RAMP1: variants seen among roughly 807,000 people sequenced by gnomAD.
RAMP1 encodes receptor activity modifying protein 1, also known as receptor activity-modifying protein 1.
RAMP1 carries 7 observed loss-of-function variants against 8.2 expected under a neutral mutation model. The observed-to-expected ratio is 0.85, with a 90% confidence interval of 0.49 to 1.60. RAMP1 has a LOEUF of 1.60. Ranked by LOEUF, RAMP1 falls within the 40% of genes most tolerant of loss-of-function variation. The pLI is 0.00. For synonymous variants in RAMP1, 92 were observed against 84.7 expected, an observed-to-expected ratio of 1.09 and a Z score of -0.47; for missense variants, 192 against 202.4, an observed-to-expected ratio of 0.95 and a Z score of 0.31.
intron 2 of RAMP1, among the ~76,000 whole-genome samples, chr2:237,910,411 T>C (rs942611912): frequency 2.1e-5 from 3 of 140,808 alleles, no homozygotes; most frequent in African/African-American, 8.1e-5. Flanking sequence ...TAACACAGTG[T>C]TGCACAGTCA....
At chr2:237,875,599 C>T (rs2062294813) in intron 1 of RAMP1, among the ~76,000 whole-genome samples, 1 of 152,178 alleles carries the variant, frequency 6.6e-6, no homozygotes, top group Admixed American at 6.5e-5. Flanking sequence ...CCATGCAGGC[C>T]CGACTGCACC....
At chr2:237,901,616 G>A (rs1398064323) in intron 2 of RAMP1, among the ~76,000 whole-genome samples, 1 of 152,200 alleles carries the variant, frequency 6.6e-6, no homozygotes, top group Admixed American at 6.5e-5. Context: ...ACCCAGTTGA[G>A]TGACCCACAC....
At chr2:237,863,831 C>T (rs1368482208) in intron 1 of RAMP1, among the ~76,000 whole-genome samples, 1 of 152,060 alleles carries the variant, frequency 6.6e-6, no homozygotes, top group Admixed American at 6.5e-5. Flanking sequence ...TGTGCAGTCA[C>T]ATGGTGGATT....
chr2:237,860,922 A>G (rs1158973485), intron 1 of RAMP1, among the ~76,000 whole-genome samples: 1 of 152,208 alleles, frequency 6.6e-6, no homozygotes, highest in Non-Finnish European at 1.5e-5. Flanking sequence ...CCGATATAAT[A>G]TAATCTGAAA....
chr2:237,904,311 C>T (rs1033371340), intron 2 of RAMP1, among the ~76,000 whole-genome samples: 4 of 151,652 alleles, frequency 2.6e-5, no homozygotes, highest in Non-Finnish European at 4.4e-5. Context: ...CCCAGCTACT[C>T]GGGAGGCTGA....
chr2:237,906,347 T>G (rs1021676067), intron 2 of RAMP1, among the ~76,000 whole-genome samples: 19 of 152,150 alleles, frequency 1.2e-4, no homozygotes, highest in African/African-American at 4.6e-4. Flanking sequence ...CCCTGCACAC[T>G]CAGGGCAGTG....
At chr2:237,891,671 C>T (rs1330518001) in intron 2 of RAMP1, among the ~76,000 whole-genome samples, 1 of 152,092 alleles carries the variant, frequency 6.6e-6, no homozygotes, top group African/African-American at 2.4e-5. Flanking sequence ...TGTGAACATA[C>T]AATGAATACT....
chr2:237,881,955 CT>C (rs941690175), intron 2 of RAMP1, among the ~76,000 whole-genome samples: 9 of 152,006 alleles, frequency 5.9e-5, no homozygotes, highest in African/African-American at 1.7e-4. Context: ...TGGAAAGCCC[CT>C]CCCCACATGA....
intron 2 of RAMP1, among the ~76,000 whole-genome samples, chr2:237,886,342 C>G (rs75264120): frequency 0.013 from 2,023 of 152,294 alleles, 32 homozygotes; most frequent in South Asian, 0.032. Flanking sequence ...TGGCAGCCGC[C>G]CCTGGAATGT....
rs2151000983 is a variant in RAMP1, at chr2:237,862,507, A to T, written c.52+2780A>T. Among the ~76,000 whole-genome samples, 1 of 152,338 alleles carries T rather than the reference A, an allele frequency of 6.6e-6. No individual in the cohort carries two copies. The highest frequency in any genetic ancestry group is 1.9e-4 in the East Asian group (1 of 5,190). ...AATGTTTTAGGTGGAATCTTTAGTT[A>T]AGGCTAGTTGGAAAAGTCTGTCCTG... On this transcript the variant is annotated intron_variant, in intron 1 of 2. Transcript: ENST00000254661. The surrounding 1 kb of genome is among the most constrained non-coding windows in gnomAD (Gnocchi z 4.0).
intron 2 of RAMP1, among the ~76,000 whole-genome samples, chr2:237,897,919 C>T (rs1202895983): frequency 1.3e-5 from 2 of 152,152 alleles, no homozygotes; most frequent in African/African-American, 2.4e-5. Flanking sequence ...CTGCCTCAGC[C>T]TCCTGAGTAG....
intron 2 of RAMP1, among the ~76,000 whole-genome samples, chr2:237,896,593 T>C (rs1490816732): frequency 6.6e-6 from 1 of 152,264 alleles, no homozygotes; most frequent in East Asian, 1.9e-4. Flanking sequence ...TGCCCTCGGG[T>C]GATGTGAGAA....
At chr2:237,864,836 C>T (rs949326705) in intron 1 of RAMP1, among the ~76,000 whole-genome samples, 2 of 152,200 alleles carry the variant, frequency 1.3e-5, no homozygotes, top group Admixed American at 6.5e-5. Flanking sequence ...TGAGGAGCAG[C>T]GGCAGCACAG....
intron 2 of RAMP1, among the ~76,000 whole-genome samples, chr2:237,894,618 C>T (rs995007251): frequency 6.6e-6 from 1 of 152,220 alleles, no homozygotes; most frequent in Non-Finnish European, 1.5e-5. Flanking sequence ...CCTGCCACCC[C>T]TCCATCCCAG....
rs929399376 is a variant in RAMP1, at chr2:237,880,761, C to A, written c.191+3399C>A. Among the ~76,000 whole-genome samples the A allele has an allele frequency of 2.6e-5, 4 of 152,118 alleles. 1 individual carries two copies. The highest frequency in any genetic ancestry group is 2.0e-4 in the Admixed American group (3 of 15,276). On this transcript the variant is annotated intron_variant, in intron 2 of 2. Transcript: ENST00000254661. Reference sequence around the variant, plus strand: ...AGGCCTTACCATTGGCTGGGTGAGGCCCCACCCCCAGCATCAAGGATTATC... The same window carrying A: ...AGGCCTTACCATTGGCTGGGTGAGGACCCACCCCCAGCATCAAGGATTATC...
At chr2:237,894,855 G>A (rs1216466251) in intron 2 of RAMP1, among the ~76,000 whole-genome samples, 3 of 152,178 alleles carry the variant, frequency 2.0e-5, no homozygotes, top group Non-Finnish European at 4.4e-5. Context: ...GTGTTCATAG[G>A]AGGTGAGACA....
Position 237,859,673 on chromosome 2 carries a change from A to C in RAMP1, c.-3A>C. 1 of 1,501,150 alleles carries C rather than the reference A, an allele frequency of 6.7e-7. No homozygotes were observed. The highest frequency in any genetic ancestry group is 8.9e-7 in the Non-Finnish European group (1 of 1,125,992). The allele number at this position is 1,501,150 out of a possible 1,614,324, so 93.0% of individuals were successfully genotyped here. On this transcript the variant is annotated 5_prime_UTR_variant, in exon 1 of 3. Coordinates refer to ENST00000254661, the MANE Select transcript of RAMP1 (RefSeq NM_005855.4). ...CGGACTCGACTCGGCACCGCTGTGC[A>C]CCATGGCCCGGGCCCTGTGCCGCCT...
At chr2:237,911,295 C>T (rs2062709807) in intron 2 of RAMP1, among the ~76,000 whole-genome samples, 2 of 152,236 alleles carry the variant, frequency 1.3e-5, no homozygotes, top group African/African-American at 2.4e-5. Flanking sequence ...AGGGGCCCCA[C>T]GGCCACGCCA....
At position 237,897,548 on chromosome 2, in the gene RAMP1, G is replaced by C. The variant is rs113994376; in HGVS notation, c.192-13980G>C. ...ATGTTGTTCCTTTTCCTGCAAGAGAGAGGCCTTTGTCCTCCTTGTTCAGCA... is the reference window on the plus strand; with the variant it reads ...ATGTTGTTCCTTTTCCTGCAAGAGACAGGCCTTTGTCCTCCTTGTTCAGCA... On this transcript the variant is annotated intron_variant, in intron 2 of 2. Transcript: ENST00000254661. 1.1e-3 allele frequency among the ~76,000 whole-genome samples: 175 copies of C among 152,316 alleles called. 1 individual carries two copies. The highest frequency in any genetic ancestry group is 4.0e-3 in the African/African-American group (165 of 41,572).
Sources: allele counts gnomAD v4.1 joint callset (sites outside exome capture counted in the v4.1 genomes callset), GRCh38; gene constraint gnomAD v4.1.1; non-coding constraint Gnocchi (gnomAD v3.1); transcripts MANE v1.5; gene names NCBI Gene and HGNC (gene_info 2026-07-23, HGNC 2026-07-21).